Variants in RIMS1 observed in about 807,000 individuals in gnomAD.
RIMS1 encodes the protein regulating synaptic membrane exocytosis 1, also known as regulating synaptic membrane exocytosis protein 1.
Under a neutral mutation model 214.1 loss-of-function variants are expected in RIMS1, and 83 were observed. That is an observed-to-expected ratio of 0.39 (90% CI 0.32 to 0.47). RIMS1 has a LOEUF of 0.47. RIMS1 is among the 20% of genes least tolerant of loss of function. RIMS1 has a pLI of 0.99. For synonymous variants in RIMS1, 793 were observed against 786.8 expected (o/e 1.01, Z -0.13); for missense variants, 2,050 against 2,161.8 (o/e 0.95, Z 1.03).
intron 2 of RIMS1, among the ~76,000 whole-genome samples, chr6:71,990,061 T>C (rs997551794): frequency 6.6e-6 from 1 of 152,234 alleles, no homozygotes; most frequent in African/African-American, 2.4e-5. Flanking sequence ...AGTAGGCCCC[T>C]CTGCTATTCT....
chr6:72,164,842 G>T (rs1288108103), intron 4 of RIMS1, among the ~76,000 whole-genome samples: 2 of 152,168 alleles, frequency 1.3e-5, no homozygotes, highest in Admixed American at 1.3e-4. Context: ...GGAGAGAACA[G>T]TGTGGTCTCT....
rs1442746045 is a variant in RIMS1 at position 72,201,455 on chromosome 6, C to A, written c.1678+18306C>A. 1.3e-5 allele frequency among the ~76,000 whole-genome samples: 2 copies of A among 152,094 alleles called. 1 individual carries two copies. The highest frequency in any genetic ancestry group is 2.9e-5 in the Non-Finnish European group (2 of 68,002). ...CAGAATCATACTGCAGTGTTTTTGACCCATTTTATCCAGTGAATGAAAAGG... is the reference window on the plus strand; with the variant it reads ...CAGAATCATACTGCAGTGTTTTTGAACCATTTTATCCAGTGAATGAAAAGG... On this transcript the variant is annotated intron_variant, in intron 6 of 33. Transcript: ENST00000521978.
chr6:72,169,396 A>G (rs2046713242), intron 4 of RIMS1, among the ~76,000 whole-genome samples: 1 of 152,212 alleles, frequency 6.6e-6, no homozygotes, highest in South Asian at 2.1e-4. Context: ...TAAGTAACAA[A>G]TGTAGAAGAG....
intron 2 of RIMS1, among the ~76,000 whole-genome samples, chr6:72,012,345 A>G (rs1204460): frequency 0.45 from 68,691 of 151,758 alleles, 16,175 homozygotes; most frequent in Non-Finnish European, 0.52. Flanking sequence ...TGGGGGAAAG[A>G]GGGTGGGATA....
intron 26 of RIMS1, among the ~76,000 whole-genome samples, chr6:72,292,250 G>A (rs2093499245): frequency 6.6e-6 from 1 of 152,082 alleles, no homozygotes; most frequent in African/African-American, 2.4e-5. Context: ...GAGTTTTGCT[G>A]GATGATTGAA....
intron 6 of RIMS1, among the ~76,000 whole-genome samples, chr6:72,230,944 C>T (rs2061742214): frequency 6.6e-6 from 1 of 151,422 alleles, no homozygotes; most frequent in Non-Finnish European, 1.5e-5. Flanking sequence ...GAATTAGTTC[C>T]TAGGACGTTT....
chr6:72,163,726 C>G lies in RIMS1; in HGVS notation c.472-15849C>G, dbSNP rs1331439595. ...ATTGGTGAACAGCAAATGTTGCTGCCTGATTGTTCCTCTGGAAGTTTTGTC... is the reference window on the plus strand; with the variant it reads ...ATTGGTGAACAGCAAATGTTGCTGCGTGATTGTTCCTCTGGAAGTTTTGTC... On this transcript the variant is annotated intron_variant, in intron 4 of 33. Coordinates refer to ENST00000521978, the MANE Select transcript of RIMS1 (RefSeq NM_014989.7). Among the ~76,000 whole-genome samples the G allele has an allele frequency of 2.9e-5, 4 of 139,616 alleles. 1 individual carries two copies. The highest frequency in any genetic ancestry group is 2.5e-5 in the African/African-American group (1 of 40,384). The allele number at this position is 139,616 out of a possible 152,430, so 91.6% of individuals were successfully genotyped here. A position where few individuals can be genotyped will look rare whatever the true frequency, so the allele number is the denominator to read the frequency against.
chr6:72,245,326 A>G (rs777966606), intron 10 of RIMS1, among the ~76,000 whole-genome samples: 37 of 151,898 alleles, frequency 2.4e-4, no homozygotes, highest in Admixed American at 7.2e-4. Context: ...TTACTTTCCA[A>G]AGCAACTCAT....
intron 4 of RIMS1, chr6:72,148,719 T>G (rs920231450): frequency 2.3e-6 from 1 of 433,848 alleles, no homozygotes; most frequent in Non-Finnish European, 4.5e-6. Context: ...TTGGGTTTTT[T>G]TTTTTTTTTC....
intron 5 of RIMS1, among the ~76,000 whole-genome samples, chr6:72,181,362 T>A (rs1257448810): frequency 6.6e-6 from 1 of 152,104 alleles, no homozygotes; most frequent in Non-Finnish European, 1.5e-5. Flanking sequence ...TCAGGGAACG[T>A]AGAATTAATA....
chr6:72,126,424 A>G (rs1279877755), intron 4 of RIMS1, among the ~76,000 whole-genome samples: 1 of 152,176 alleles, frequency 6.6e-6, no homozygotes, highest in Non-Finnish European at 1.5e-5. Context: ...AATAAATGGG[A>G]CATAATTAAA....
intron 4 of RIMS1, among the ~76,000 whole-genome samples, chr6:72,103,599 CA>C (rs758812538): frequency 1.3e-5 from 2 of 151,982 alleles, no homozygotes; most frequent in Non-Finnish European, 2.9e-5. Context: ...AAAGAGCTTC[CA>C]AAAAGTTAAG....
chr6:72,065,352 C>A (rs1157803987), intron 2 of RIMS1, among the ~76,000 whole-genome samples: 1 of 152,112 alleles, frequency 6.6e-6, no homozygotes, highest in African/African-American at 2.4e-5. Flanking sequence ...CTGCTGAAGA[C>A]ATGTATGAAA....
chr6:72,072,956 A>T (rs1038554352), intron 2 of RIMS1, among the ~76,000 whole-genome samples: 4 of 152,162 alleles, frequency 2.6e-5, no homozygotes, highest in African/African-American at 9.7e-5. Context: ...AGCCAAACAT[A>T]TTTTTTTGTT....
At chr6:72,144,946 G>A (rs117109327) in intron 4 of RIMS1, among the ~76,000 whole-genome samples, 11,582 of 150,772 alleles carry the variant, frequency 0.077, 492 homozygotes, top group Middle Eastern at 0.1. Flanking sequence ...GTGCAGTGGC[G>A]TGATCTTGGC....
chr6:72,157,475 G>A lies in RIMS1; in HGVS notation c.472-22100G>A, dbSNP rs181902012. On this transcript the variant is annotated intron_variant, in intron 4 of 33. Coordinates refer to ENST00000521978, the MANE Select transcript of RIMS1 (RefSeq NM_014989.7). The stretch of plus-strand genomic sequence containing the variant: ...TATGTTGTTACTGCATATGAAATCA[G>A]AGTTGTGTGTCTTTTGGGTGAATTA... Among the ~76,000 whole-genome samples the A allele has an allele frequency of 7.8e-4, 109 of 140,250 alleles. 5 individuals are homozygous for A. Among genetic ancestry groups the A allele is most frequent in the African/African-American group, 2.6e-3 (105 of 40,736 alleles). 92.0% of individuals were successfully genotyped at this position (140,250 alleles called of 152,430 possible).
At chr6:72,317,162 C>G in intron 28 of RIMS1, 1 of 342,770 alleles carries the variant, frequency 2.9e-6, no homozygotes, top group South Asian at 3.1e-5. Context: ...CAGGGTGCCC[C>G]CTCCCCAGAG....
chr6:72,263,659 T>C (rs918690530), intron 19 of RIMS1: 1 of 985,346 alleles, frequency 1.0e-6, no homozygotes, highest in African/African-American at 1.7e-5. Flanking sequence ...GAGTCGACTG[T>C]CTAGAAAGGA....
At chr6:72,180,035 A>G (rs2048205449) in intron 5 of RIMS1, 120 bp downstream of exon 5, 3 of 624,492 alleles carry the variant, frequency 4.8e-6, no homozygotes, top group Non-Finnish European at 5.0e-6. Flanking sequence ...CAGGCCCCAC[A>G]TGGAAAAACA....
Sources: gnomAD v4.1 joint callset for allele counts (sites outside exome capture counted in the v4.1 genomes callset) on GRCh38, gnomAD v4.1.1 for gene constraint, MANE v1.5 for transcripts, NCBI Gene and HGNC (gene_info 2026-07-23, HGNC 2026-07-21) for gene names.